TRPM3: variants seen among roughly 807,000 people sequenced by gnomAD.
TRPM3 encodes the protein transient receptor potential cation channel subfamily M member 3.
Under a neutral mutation model 181.2 loss-of-function variants are expected in TRPM3, and 77 were observed. The observed-to-expected ratio is 0.42, with a 90% confidence interval of 0.35 to 0.51. The LOEUF is 0.51. TRPM3 is among the 20% of genes least tolerant of loss of function. The pLI is 0.01. For synonymous variants in TRPM3, 745 were observed against 796.4 expected, an observed-to-expected ratio of 0.94 and a Z score of 1.09; for missense variants, 1,759 against 2,196.7, an observed-to-expected ratio of 0.80 and a Z score of 3.98.
intron 1 of TRPM3, among the ~76,000 whole-genome samples, chr9:71,133,453 C>T (rs896725363): frequency 2.0e-4 from 31 of 152,100 alleles, no homozygotes; most frequent in African/African-American, 6.5e-4. Context: ...GCATGTGCCA[C>T]CACACCCAGC....
chr9:70,683,475 A>ATTTTTTTT (rs2066005267), intron 8 of TRPM3, among the ~76,000 whole-genome samples: 1 of 61,602 alleles, frequency 1.6e-5, no homozygotes, highest in Non-Finnish European at 2.9e-5. Flanking sequence ...ATGGGGTTTC[A>ATTTTTTTT]TTATGTTGCC....
chr9:71,019,423 TA>T (rs2097822542), intron 1 of TRPM3, among the ~76,000 whole-genome samples: 1 of 152,060 alleles, frequency 6.6e-6, no homozygotes, highest in South Asian at 2.1e-4. Flanking sequence ...GGTCAATATA[TA>T]AAAATCACTT....
intron 1 of TRPM3, among the ~76,000 whole-genome samples, chr9:71,060,221 A>T (rs2061157493): frequency 6.6e-6 from 1 of 152,040 alleles, no homozygotes; most frequent in Non-Finnish European, 1.5e-5. Flanking sequence ...TTTCTACCAT[A>T]ACTGTGTTCT....
Position 70,537,585 on chromosome 9 carries a change from G to A in TRPM3, c.3708-180C>T, listed in dbSNP as rs115292796. Among the ~76,000 whole-genome samples, 579 of 152,314 alleles carry A rather than the reference G, an allele frequency of 3.8e-3. 4 individuals are homozygous for A. Among genetic ancestry groups the A allele is most frequent in the African/African-American group, 0.013 (540 of 41,574 alleles). ...ACATTGATGCTGTGAAAGAATCACA[G>A]AATTCAAATCTTTTTGAGCTAGAAG... On this transcript the variant is annotated intron_variant, in intron 25 of 25. Transcript: ENST00000677713.
chr9:71,211,887 TG>T (rs2079527183), intron 1 of TRPM3, among the ~76,000 whole-genome samples: 1 of 152,164 alleles, frequency 6.6e-6, no homozygotes, highest in Non-Finnish European at 1.5e-5. Context: ...GACTTCTTTT[TG>T]GGAGACACAC....
chr9:71,013,851 ATTGATGACCTATATTTT>A (rs2134404587), intron 1 of TRPM3, among the ~76,000 whole-genome samples: 1 of 152,120 alleles, frequency 6.6e-6, no homozygotes, highest in African/African-American at 2.4e-5. Context: ...CATTTGTCTA[ATTGATGACCTATATTTT>A]TAAGAACTGG....
intron 1 of TRPM3, among the ~76,000 whole-genome samples, chr9:71,034,064 A>G (rs553330389): frequency 6.6e-5 from 10 of 152,342 alleles, no homozygotes; most frequent in African/African-American, 2.4e-4. Flanking sequence ...TGCAAACTCC[A>G]CATAGACAGT....
intron 9 of TRPM3, among the ~76,000 whole-genome samples, chr9:70,673,841 C>G (rs781224613): frequency 1.3e-5 from 2 of 149,704 alleles, no homozygotes; most frequent in Non-Finnish European, 3.0e-5. Context: ...TCCAGCTACT[C>G]GGGAGGCTGA....
rs143372259 is a variant in TRPM3, at chr9:70,603,644, T to G, written c.2668-174A>C. 5.0e-3 allele frequency among the ~76,000 whole-genome samples: 767 copies of G among 152,336 alleles called. 3 individuals carry two copies. The highest frequency in any genetic ancestry group is 0.018 in the South Asian group (88 of 4,820). ...AAGAATTAGAAAAGACAGTAATACTTGAAGGATTATAATATGCAATCTTCC... is the reference window on the plus strand; with the variant it reads ...AAGAATTAGAAAAGACAGTAATACTGGAAGGATTATAATATGCAATCTTCC... On this transcript the variant is annotated intron_variant, in intron 19 of 25. Transcript: ENST00000677713.
intron 1 of TRPM3, among the ~76,000 whole-genome samples, chr9:71,425,196 T>A (rs966768410): frequency 6.6e-6 from 1 of 152,152 alleles, no homozygotes; most frequent in Non-Finnish European, 1.5e-5. Context: ...TGTACTATCA[T>A]CCTAATTAAC....
At chr9:70,951,743 C>A (rs1208037896) in intron 1 of TRPM3, among the ~76,000 whole-genome samples, 2 of 152,170 alleles carry the variant, frequency 1.3e-5, no homozygotes, top group African/African-American at 4.8e-5. Flanking sequence ...ATTTCTGTTA[C>A]AGTAAATGCT....
At chr9:71,421,624 A>G (rs2093775947) in intron 1 of TRPM3, among the ~76,000 whole-genome samples, 1 of 151,840 alleles carries the variant, frequency 6.6e-6, no homozygotes, top group East Asian at 1.9e-4. Context: ...GAAATGCATC[A>G]TTTTGTCCTA....
At chr9:70,999,028 C>A (rs528208674) in intron 1 of TRPM3, among the ~76,000 whole-genome samples, 4 of 152,160 alleles carry the variant, frequency 2.6e-5, no homozygotes, top group Admixed American at 2.6e-4. Context: ...AGCTGATAAT[C>A]ACTACCTTCT....
intron 9 of TRPM3, among the ~76,000 whole-genome samples, chr9:70,650,451 G>A (rs2059460439): frequency 1.3e-5 from 2 of 152,216 alleles, no homozygotes; most frequent in South Asian, 4.1e-4. Flanking sequence ...ATCTTTCTGG[G>A]CATTGATGAT....
intron 1 of TRPM3, among the ~76,000 whole-genome samples, chr9:71,256,357 C>T (rs559235974): frequency 4.5e-4 from 68 of 152,138 alleles, no homozygotes; most frequent in Non-Finnish European, 8.7e-4. Context: ...AGAAGAACTA[C>T]TCTTTTTCTT....
chr9:70,864,525 CAAAAA>C lies in TRPM3; in HGVS notation c.178-19_178-15del, dbSNP rs71367234. The C allele has an allele frequency of 1.7e-4, 153 of 899,518 alleles. 1 individual carries two copies. Among genetic ancestry groups the C allele is most frequent in the African/African-American group, 9.6e-4 (45 of 46,722 alleles). 55.7% of individuals were successfully genotyped at this position (899,518 alleles called of 1,614,324 possible). A position where few individuals can be genotyped will look rare whatever the true frequency, so the allele number is the denominator to read the frequency against. On this transcript the variant is annotated splice_polypyrimidine_tract_variant and intron_variant, in intron 1 of 25. Coordinates refer to ENST00000677713, the MANE Select transcript of TRPM3 (RefSeq NM_001366145.2). ...GGATTTCTGAGCCTGAAAAAGAAAA[CAAAAA>C]AAAAAAAAAAAGAAAAAAGAAAGAA...
At chr9:71,206,338 A>G (rs1458851606) in intron 1 of TRPM3, among the ~76,000 whole-genome samples, 2 of 152,172 alleles carry the variant, frequency 1.3e-5, no homozygotes, top group Non-Finnish European at 2.9e-5. Context: ...CATTTCTCTA[A>G]TGATCAGTGA....
intron 8 of TRPM3, among the ~76,000 whole-genome samples, chr9:70,699,949 T>G (rs1414151249): frequency 1.3e-5 from 2 of 152,070 alleles, no homozygotes; most frequent in African/African-American, 2.4e-5. Flanking sequence ...TTGGCCACAG[T>G]GCTGCGAGCA....
intron 1 of TRPM3, among the ~76,000 whole-genome samples, chr9:70,892,770 TGTGGTTAAAATGTAA>T (rs2096229047): frequency 6.6e-6 from 1 of 152,198 alleles, no homozygotes; most frequent in South Asian, 2.1e-4. Flanking sequence ...CTTTAATGTA[TGTGGTTAAAATGTAA>T]GTGGTTAAAA....
Sources: allele counts gnomAD v4.1 joint callset (sites outside exome capture counted in the v4.1 genomes callset), GRCh38; gene constraint gnomAD v4.1.1; transcripts MANE v1.5; gene names NCBI Gene and HGNC (gene_info 2026-07-23, HGNC 2026-07-21).